Variants in SLC30A7 observed in about 807,000 individuals in gnomAD.
SLC30A7 encodes the protein zinc transporter 7.
SLC30A7 carries 35 observed loss-of-function variants against 46.0 expected under a neutral mutation model. That is an observed-to-expected ratio of 0.76 (90% CI 0.58 to 1.01). The LOEUF (loss-of-function observed/expected upper bound fraction) is 1.01. Ranked by LOEUF, SLC30A7 falls within the 50% of genes least tolerant of loss-of-function variation. SLC30A7 has a pLI of 0.00. For missense variants in SLC30A7, 464 were observed against 451.1 expected (o/e 1.03, Z -0.26); for synonymous variants, 147 against 157.8 (o/e 0.93, Z 0.51).
intron 8 of SLC30A7, among the ~76,000 whole-genome samples, chr1:100,939,027 A>C (rs1654156050): frequency 6.6e-6 from 1 of 152,232 alleles, no homozygotes; most frequent in Non-Finnish European, 1.5e-5. Context: ...TGTGTAAATC[A>C]ATAGATAATT....
Position 100,974,968 on chromosome 1 carries a change from G to C in SLC30A7, c.*111G>C. ...GAGAGAAATTATCACTACAACTCCC[G>C]AGCACTAAGTAGACGGGGTAGAGTC... On this transcript the variant is annotated 3_prime_UTR_variant, in exon 11 of 11. Coordinates refer to ENST00000357650, the MANE Select transcript of SLC30A7 (RefSeq NM_133496.5). The C allele has an allele frequency of 3.7e-6, 3 of 818,370 alleles. No individual in the cohort carries two copies. The South Asian group carries it at 6.8e-5, about 18-fold the overall frequency. The allele number at this position is 818,370 out of a possible 1,614,324, so 50.7% of individuals were successfully genotyped here.
chr1:100,931,573 C>T (rs1303394839), intron 8 of SLC30A7, among the ~76,000 whole-genome samples: 1 of 151,932 alleles, frequency 6.6e-6, no homozygotes, highest in Non-Finnish European at 1.5e-5. Flanking sequence ...GTTCAGTTAC[C>T]AGAATTTAGT....
chr1:100,983,375 C>CAAA (rs779529890), downstream of SLC30A7, among the ~76,000 whole-genome samples: 20 of 76,464 alleles, frequency 2.6e-4, no homozygotes, highest in African/African-American at 6.4e-4. Flanking sequence ...TACTTTGAGG[C>CAAA]AAAAAAAAAA....
In SLC30A7 at chr1:100,923,306, G is replaced by A. The variant is rs949077138; in HGVS notation, c.842+1465G>A. 1.9e-5 allele frequency among the ~76,000 whole-genome samples: 2 copies of A among 106,004 alleles called. 1 individual carries two copies. Among genetic ancestry groups the A allele is most frequent in the African/African-American group, 7.2e-5 (2 of 27,610 alleles). The allele number at this position is 106,004 out of a possible 152,430, so 69.5% of individuals were successfully genotyped here. A position where few individuals can be genotyped will look rare whatever the true frequency, so the allele number is the denominator to read the frequency against. On this transcript the variant is annotated intron_variant, in intron 8 of 10. Coordinates refer to ENST00000357650, the MANE Select transcript of SLC30A7 (RefSeq NM_133496.5). ...GCTGGGATTACAGGCGTGAGCCACC[G>A]CGCCCAGCCTAGAATAGATTTAATA...
chr1:100,977,110 G>A lies in SLC30A7; in HGVS notation c.*2253G>A, dbSNP rs1486981815. On this transcript the variant is annotated 3_prime_UTR_variant, in exon 11 of 11. Coordinates refer to ENST00000357650, the MANE Select transcript of SLC30A7 (RefSeq NM_133496.5). ...AGAGAAAATGACAGATCTAGATGAA[G>A]GGAGCTTTTGGATGTGTGCCTTTAA... is the stretch of plus-strand genomic sequence containing the variant. 2 of 151,828 alleles carry A rather than the reference G, an allele frequency of 1.3e-5. No homozygotes were observed. Among genetic ancestry groups the A allele is most frequent in the African/African-American group, 4.8e-5 (2 of 41,280 alleles). 9.4% of individuals were successfully genotyped at this position (151,828 alleles called of 1,614,324 possible).
At position 100,965,868 on chromosome 1, in the gene SLC30A7, G is replaced by C; in HGVS notation, c.1033G>C (p.Asp345His). The C allele has an allele frequency of 6.2e-7, 1 of 1,613,944 alleles. No homozygotes were observed. ...VGTLKLIVAP[D>H]ADARWILSQT... ...GACCTTGAAATTAATAGTAGCACCT[G>C]ATGCTGATGCTAGGTGGATTTTAAG... The change falls in exon 10 of 11, where the codon GAT becomes CAT. Residue 345 changes from aspartate (D) to histidine (H), a missense_variant. Asp to His is a moderately conservative substitution (Grantham distance 81). Coordinates refer to ENST00000357650, the MANE Select transcript of SLC30A7 (RefSeq NM_133496.5).
chr1:100,975,016 G>GT lies in SLC30A7; in HGVS notation c.*161dup, dbSNP rs1379901389. 4.4e-6 allele frequency: 2 copies of GT among 457,390 alleles called. No homozygotes were observed. The highest frequency in any genetic ancestry group is 3.9e-6 in the Non-Finnish European group (1 of 258,506). 28.3% of individuals were successfully genotyped at this position (457,390 alleles called of 1,614,324 possible). ...GTCAGCCGTTCATGCTTTGTGGGGA[G>GT]TTCACAGCTAAGGGATCAGATTTAA... On this transcript the variant is annotated 3_prime_UTR_variant, in exon 11 of 11. Coordinates refer to ENST00000357650, the MANE Select transcript of SLC30A7 (RefSeq NM_133496.5).
the SLC30A7 span, among the ~76,000 whole-genome samples, chr1:100,994,682 A>C: frequency 0.016 from 2,502 of 152,080 alleles, 71 homozygotes; most frequent in African/African-American, 0.057. Flanking sequence ...ACGTGCCACC[A>C]CACCCAGCTA....
At chr1:100,974,693 ATTCTT>A (rs938879147) in intron 10 of SLC30A7, 112 bp from the exon 11 acceptor site, 28 of 683,184 alleles carry the variant, frequency 4.1e-5, no homozygotes, top group Non-Finnish European at 5.9e-5. Context: ...TTCTGAAATG[ATTCTT>A]TTCTTTTTTT....
chr1:100,949,118 A>G (rs1176169612), intron 8 of SLC30A7, among the ~76,000 whole-genome samples: 1 of 151,794 alleles, frequency 6.6e-6, no homozygotes, highest in Non-Finnish European at 1.5e-5. Context: ...GGTTTTTAGA[A>G]TTTTCAGCTT....
the SLC30A7 span, chr1:100,995,368 A>G: frequency 7.1e-6 from 3 of 421,378 alleles, no homozygotes; most frequent in Non-Finnish European, 8.8e-6. Context: ...CCATCCTGCT[A>G]ACATCTAATT....
At chr1:100,961,702 G>GT in intron 8 of SLC30A7, 126 bp from the exon 9 acceptor site, 2 of 486,404 alleles carry the variant, frequency 4.1e-6, no homozygotes, top group Non-Finnish European at 7.3e-6. Context: ...CTGGTTGATT[G>GT]TTTTTTCTCA....
intron 8 of SLC30A7, among the ~76,000 whole-genome samples, chr1:100,925,995 G>A (rs1034140405): frequency 7.2e-5 from 11 of 152,080 alleles, no homozygotes; most frequent in Non-Finnish European, 1.6e-4. Context: ...TGGTACTCCT[G>A]CCTGCTAAAA....
chr1:100,935,673 T>C (rs1301041396), intron 8 of SLC30A7, among the ~76,000 whole-genome samples: 1 of 152,200 alleles, frequency 6.6e-6, no homozygotes, highest in Non-Finnish European at 1.5e-5. Flanking sequence ...TAACCAATAC[T>C]CCCAGCTTTC....
chr1:100,962,031 T>C (rs1170799729), intron 9 of SLC30A7, 113 bp downstream of exon 9: 13 of 575,296 alleles, frequency 2.3e-5, no homozygotes. Context: ...TCTTCCAAGA[T>C]TGAATGCTGA....
chr1:100,932,276 G>A (rs562321640), intron 8 of SLC30A7, among the ~76,000 whole-genome samples: 1 of 152,198 alleles, frequency 6.6e-6, no homozygotes, highest in Admixed American at 6.5e-5. Context: ...TTAGCCAGGT[G>A]TGGTGGCACA....
intron 2 of SLC30A7, among the ~76,000 whole-genome samples, chr1:100,903,502 C>T (rs1651444222): frequency 6.6e-6 from 1 of 152,070 alleles, no homozygotes; most frequent in South Asian, 2.1e-4. Flanking sequence ...TAATATGCCC[C>T]TTACCTTGTC....
At chr1:100,987,258 G>A in the SLC30A7 span, among the ~76,000 whole-genome samples, 1 of 152,100 alleles carries the variant, frequency 6.6e-6, no homozygotes, top group African/African-American at 2.4e-5. Flanking sequence ...TTGGATCTGT[G>A]AGTTGATAGC....
chr1:100,926,206 A>G (rs1055331688), intron 8 of SLC30A7, among the ~76,000 whole-genome samples: 1 of 152,148 alleles, frequency 6.6e-6, no homozygotes, highest in Admixed American at 6.5e-5. Flanking sequence ...TTAAGCTTTG[A>G]TATTTTTATT....
Sources: allele counts gnomAD v4.1 joint callset (sites outside exome capture counted in the v4.1 genomes callset), GRCh38; gene constraint gnomAD v4.1.1; transcripts MANE v1.5; gene names NCBI Gene and HGNC (gene_info 2026-07-23, HGNC 2026-07-21).